Variants in SP110 observed in about 807,000 individuals in gnomAD.
SP110 encodes interferon-induced protein 41, 30kD.
In SP110, 62 loss-of-function variants were observed where a neutral mutation model predicts 92.7. The ratio of observed to expected loss-of-function variants is 0.67; its 90% confidence interval spans 0.55 to 0.83. The LOEUF (loss-of-function observed/expected upper bound fraction) is 0.83. SP110 is among the 40% of genes least tolerant of loss of function. The pLI, the probability that SP110 is intolerant of heterozygous loss-of-function variation, is 0.00. For synonymous variants in SP110, 273 were observed against 305.3 expected (o/e 0.89, Z 1.10); for missense variants, 793 against 863.9 (o/e 0.92, Z 1.03).
At chr2:230,206,598 TATATATATATATATA>T (rs2043856922) in intron 8 of SP110, among the ~76,000 whole-genome samples, 1 of 31,310 alleles carries the variant, frequency 3.2e-5, no homozygotes, top group Non-Finnish European at 5.6e-5. Context: ...CCAGATTTTA[TATATATATATATATA>T]TATATATATA....
At chr2:230,223,138 G>T (rs1298239362), upstream of SP110, among the ~76,000 whole-genome samples, 1 of 151,684 alleles carries the variant, frequency 6.6e-6, no homozygotes, top group East Asian at 1.9e-4. Context: ...CCAGGTTCAA[G>T]TGATTCTCTT....
intron 10 of SP110, among the ~76,000 whole-genome samples, chr2:230,190,218 G>T (rs185808505): frequency 2.5e-3 from 376 of 152,252 alleles, no homozygotes; most frequent in African/African-American, 8.6e-3. Flanking sequence ...AGCATCTATT[G>T]TTTTCTGACT....
At chr2:230,221,777 C>T, upstream of SP110, 9 of 1,502,960 alleles carry the variant, frequency 6.0e-6, no homozygotes, top group Non-Finnish European at 8.1e-6. Flanking sequence ...GAACTTCTTC[C>T]TTTAGATCTA....
At position 230,212,846 on chromosome 2, in the gene SP110, G is replaced by T; in HGVS notation, c.498C>A (p.Ser166Arg). 1 of 1,614,084 alleles carries T rather than the reference G, an allele frequency of 6.2e-7. No homozygotes were observed. The highest frequency in any genetic ancestry group is 8.5e-7 in the Non-Finnish European group (1 of 1,180,008). ...TGGGCGACTCACTCAGGATCTCATC[G>T]CTTTGCTGGGAGGATGTTCCAGGCT... ...VSEPGTSSQQ[S>R]DEILSESPSP... is the part of the protein sequence containing the mutation. The change falls in exon 4 of 19, where the codon AGC becomes AGA. Residue 166 changes from serine to arginine, a missense_variant. Physicochemically the swap from Ser to Arg is moderately radical, Grantham distance 110. Transcript: ENST00000258381.
rs2044657656 is a variant in SP110 at position 230,212,939 on chromosome 2, G to A, written c.405C>T (p.Thr135=). Residue 135 remains threonine (T), a synonymous_variant, in exon 4 of 19, where the codon ACC becomes ACT. Transcript: ENST00000258381. The part of the protein sequence containing the change: ...TGLAEGSSLH[T]PLALPPPQPP... ...GTTGTGGTGGGGGCAGCGCCAGTGG[G>A]GTATGGAGGGAGCTTCCTTCTGCTA... 2 of 1,613,928 alleles carry A rather than the reference G, an allele frequency of 1.2e-6. No homozygotes were observed. Among genetic ancestry groups the A allele is most frequent in the African/African-American group, 2.7e-5 (2 of 74,872 alleles).
intron 1 of SP110, among the ~76,000 whole-genome samples, 186 bp from the exon 2 acceptor site, chr2:230,217,114 C>T (rs1467549091): frequency 2.6e-5 from 4 of 151,910 alleles, no homozygotes; most frequent in African/African-American, 7.3e-5. Context: ...GGTGTGGTGG[C>T]GCACGCCTGT....
At chr2:230,198,108 G>A (rs2148831502) in intron 10 of SP110, among the ~76,000 whole-genome samples, 1 of 133,880 alleles carries the variant, frequency 7.5e-6, no homozygotes, top group Non-Finnish European at 1.6e-5. Context: ...AGGACAATAG[G>A]ACCCTCTGTA....
At position 230,195,053 on chromosome 2, in the gene SP110, A is replaced by AT. The variant is rs1195930076; in HGVS notation, c.1129+5831dup. Among the ~76,000 whole-genome samples, 80 of 145,030 alleles carry AT rather than the reference A, an allele frequency of 5.5e-4. 1 individual carries two copies. In the East Asian group the frequency reaches 9.6e-3, roughly 17 times the overall value. Reference sequence around the variant, plus strand: ...CACTTTTCTTCCTTATGTCTTGGGCATTTTTTTTTTCTGTTTTCTTTTTGA... The same window carrying AT: ...CACTTTTCTTCCTTATGTCTTGGGCATTTTTTTTTTTCTGTTTTCTTTTTGA... On this transcript the variant is annotated intron_variant, in intron 10 of 18. Coordinates refer to ENST00000258381, the MANE Select transcript of SP110 (RefSeq NM_080424.4).
At chr2:230,203,591 G>A (rs1031249322) in intron 8 of SP110, 1 of 152,080 alleles carries the variant, frequency 6.6e-6, no homozygotes, top group Non-Finnish European at 1.5e-5. Context: ...CAGCCTGATA[G>A]AGCCTAAAAC....
At chr2:230,186,901 T>C (rs2042386841) in intron 10 of SP110, among the ~76,000 whole-genome samples, 1 of 152,222 alleles carries the variant, frequency 6.6e-6, no homozygotes, top group Admixed American at 6.5e-5. Flanking sequence ...ACACATTCAT[T>C]GGTCAATGGG....
rs200214376 is a variant in SP110 at position 230,204,618 on chromosome 2, TA to T, written c.899-1891del. Among the ~76,000 whole-genome samples, 754 of 151,320 alleles carry T rather than the reference TA, an allele frequency of 5.0e-3. 1 individual carries two copies. The highest frequency in any genetic ancestry group is 0.016 in the East Asian group (82 of 5,172). ...ATGGTTTCTTTCATTTTTTTTTCAT[TA>T]AAAAAAAATTAATAGCTAATTTGTG... On this transcript the variant is annotated intron_variant, in intron 8 of 18. Coordinates refer to ENST00000258381, the MANE Select transcript of SP110 (RefSeq NM_080424.4).
At chr2:230,200,558 A>G (rs890482603) in intron 10 of SP110, 1 of 362,400 alleles carries the variant, frequency 2.8e-6, no homozygotes, top group African/African-American at 2.1e-5. Flanking sequence ...CTTTCAGTAT[A>G]GTACCATGAA....
At chr2:230,172,297 G>C (rs750762457) in intron 15 of SP110, 123 bp from the exon 16 acceptor site, 6 of 751,834 alleles carry the variant, frequency 8.0e-6, no homozygotes, top group Non-Finnish European at 1.5e-5. Flanking sequence ...ACACCTCCCA[G>C]AGTGTCCAAG....
At chr2:230,223,774 A>G (rs544506929), upstream of SP110, among the ~76,000 whole-genome samples, 8 of 152,372 alleles carry the variant, frequency 5.3e-5, no homozygotes, top group East Asian at 1.5e-3. Flanking sequence ...ACTCTATACA[A>G]TTCATTTCCC....
At chr2:230,181,342 G>GAC (rs1214632867) in intron 12 of SP110, among the ~76,000 whole-genome samples, 2 of 152,196 alleles carry the variant, frequency 1.3e-5, no homozygotes, top group Non-Finnish European at 2.9e-5. Flanking sequence ...TGGGGAGCTG[G>GAC]ACATACAGCA....
At chr2:230,179,338 G>T (rs529272135) in intron 12 of SP110, among the ~76,000 whole-genome samples, 1 of 152,144 alleles carries the variant, frequency 6.6e-6, no homozygotes, top group Non-Finnish European at 1.5e-5. Flanking sequence ...GGAGGGTAGT[G>T]GGGGTGTGGG....
intron 10 of SP110, among the ~76,000 whole-genome samples, chr2:230,192,422 G>C (rs933357149): frequency 1.3e-5 from 2 of 152,118 alleles, no homozygotes; most frequent in Admixed American, 1.3e-4. Flanking sequence ...GAACTGATAA[G>C]CAACTTCAAC....
rs188717056 is a variant in SP110, at chr2:230,174,820, G to A, written c.1591-1861C>T. Among the ~76,000 whole-genome samples, 152 of 152,324 alleles carry A rather than the reference G, an allele frequency of 1.0e-3. 1 individual carries two copies. Among genetic ancestry groups the A allele is most frequent in the African/African-American group, 3.3e-3 (137 of 41,564 alleles). On this transcript the variant is annotated intron_variant, in intron 14 of 18. Transcript: ENST00000258381. ...AGTGGAGACAGACGGACGTGCTGCCGAGCAGCAGTGACACTGGATGATGGG... is the reference window on the plus strand; with the variant it reads ...AGTGGAGACAGACGGACGTGCTGCCAAGCAGCAGTGACACTGGATGATGGG...
chr2:230,183,756 CAT>C (rs2042232952), intron 11 of SP110, 116 bp from the exon 12 acceptor site: 1 of 752,320 alleles, frequency 1.3e-6, no homozygotes. Flanking sequence ...AGACAAGTTA[CAT>C]ATGAGTCCTT....
Sources: allele counts gnomAD v4.1 joint callset (sites outside exome capture counted in the v4.1 genomes callset), GRCh38; gene constraint gnomAD v4.1.1; transcripts MANE v1.5; gene names NCBI Gene and HGNC (gene_info 2026-07-23, HGNC 2026-07-21).